Variants in RET observed in about 807,000 individuals in gnomAD.
RET encodes ret proto-oncogene, also known as proto-oncogene tyrosine-protein kinase receptor Ret.
Under a neutral mutation model 118.3 loss-of-function variants are expected in RET, and 19 were observed. That is an observed-to-expected ratio of 0.16 (90% confidence interval 0.11 to 0.24). The LOEUF is 0.24. Ranked by LOEUF, RET falls within the 10% of genes least tolerant of loss-of-function variation. RET has a pLI of 1.00. For synonymous variants in RET, 597 were observed against 644.1 expected (o/e 0.93, Z 1.11); for missense variants, 1,219 against 1,502.1 (o/e 0.81, Z 3.12).
chr10:43,085,412 G>A (rs1364572622), intron 1 of RET, among the ~76,000 whole-genome samples: 6 of 152,286 alleles, frequency 3.9e-5, no homozygotes, highest in African/African-American at 1.4e-4. Context: ...TTGCCTCATC[G>A]TCAGTGGCCT....
chr10:43,092,648 G>C (rs1837434853), intron 1 of RET, among the ~76,000 whole-genome samples: 1 of 152,252 alleles, frequency 6.6e-6, no homozygotes, highest in Non-Finnish European at 1.5e-5. Context: ...ACCCAGGTTT[G>C]TGCAGCATGC....
At position 43,126,659 on chromosome 10, in the gene RET, G is replaced by A. The variant is rs867206631; in HGVS notation, c.3124G>A (p.Asp1042Asn). The A allele has an allele frequency of 6.2e-7, 1 of 1,613,960 alleles. No homozygotes were observed. Among genetic ancestry groups the A allele is most frequent in the East Asian group, 2.2e-5 (1 of 44,888 alleles). The change falls in exon 19 of 20, where the codon GAC becomes AAC. Residue 1042 changes from aspartate to asparagine, a missense_variant. Around this residue, in one of 5 missense-constraint regions of RET, gnomAD observed 174 missense variants for 179.3 expected, o/e 0.97. Transcript: ENST00000355710. ...CTCAGAGGAGGAGACACCGCTGGTG[G>A]ACTGTAATAATGCCCCCCTCCCTCG... ...GLSEEETPLV[D>N]CNNAPLPRAL...
intron 1 of RET, among the ~76,000 whole-genome samples, chr10:43,098,145 G>A (rs968308121): frequency 6.6e-6 from 1 of 152,104 alleles, no homozygotes; most frequent in African/African-American, 2.4e-5. Flanking sequence ...GGGACATTAA[G>A]TACATTCACA....
Position 43,130,150 on chromosome 10 carries a change from T to C in RET, c.*1881T>C, listed in dbSNP as rs1838415789. On this transcript the variant is annotated 3_prime_UTR_variant, in exon 20 of 20. Transcript: ENST00000355710. ...TGAGTTATAAAAGTCCCCATCCTTATTAGCTCTACTGGAATTTTCATACAC... is the reference window on the plus strand; with the variant it reads ...TGAGTTATAAAAGTCCCCATCCTTACTAGCTCTACTGGAATTTTCATACAC... 2.5e-6 allele frequency: 1 copy of C among 397,350 alleles called. No individual in the cohort carries two copies. The highest frequency in any genetic ancestry group is 4.4e-5 in the Admixed American group (1 of 22,702). The allele number at this position is 397,350 out of a possible 1,614,324, so 24.6% of individuals were successfully genotyped here. A position where few individuals can be genotyped will look rare whatever the true frequency, so the allele number is the denominator to read the frequency against.
chr10:43,108,082 C>T (rs893079981), intron 5 of RET, among the ~76,000 whole-genome samples: 1 of 151,902 alleles, frequency 6.6e-6, no homozygotes, highest in South Asian at 2.1e-4. Flanking sequence ...TAGTGGCTCA[C>T]GCCTGTAATC....
rs773793231 is a variant in RET, at chr10:43,126,744, C to G, written c.3187+22C>G. The G allele has an allele frequency of 1.9e-6, 3 of 1,613,260 alleles. No individual in the cohort carries two copies. In the Admixed American group the frequency reaches 5.0e-5, roughly 27 times the overall value. On this transcript the variant is annotated intron_variant, in intron 19 of 19. Coordinates refer to ENST00000355710, the MANE Select transcript of RET (RefSeq NM_020975.6). ...TATGGTAGAATTTCCCATGCATTTA[C>G]TAGATTCTAGCACCGCTGTCCCCTT...
At chr10:43,121,265 A>G (rs1430750650) in intron 15 of RET, among the ~76,000 whole-genome samples, 2 of 152,230 alleles carry the variant, frequency 1.3e-5, no homozygotes, top group Non-Finnish European at 2.9e-5. Context: ...TAAATCCCTC[A>G]TGTGTTTAAG....
At chr10:43,109,440 CT>C in intron 6 of RET, among the ~76,000 whole-genome samples, 1 of 152,282 alleles carries the variant, frequency 6.6e-6, no homozygotes, top group South Asian at 2.1e-4. Context: ...TTGGGCCTCT[CT>C]TTTTTTCCCC....
rs1253227059 is a variant in RET at position 43,111,357 on chromosome 10, G to A, written c.1414G>A (p.Ala472Thr). The stretch of plus-strand genomic sequence containing the variant: ...GATCCTGTTTGTGAATGACACCAAG[G>A]CCCTGCGGCGGCCCAAGTGTGCCGA... ...SGILFVNDTK[A>T]LRRPKCAELH... Residue 472 changes from alanine (A) to threonine (T), a missense_variant, in exon 7 of 20, where the codon GCC (alanine) becomes ACC (threonine). Ala to Thr is a moderately conservative substitution (Grantham distance 58, BLOSUM62 0). This residue lies in a region of RET where 850 missense variants were observed against 969.6 expected (regional missense o/e 0.88). Transcript: ENST00000355710. 6.2e-7 allele frequency: 1 copy of A among 1,614,108 alleles called. No individual in the cohort carries two copies. Among genetic ancestry groups the A allele is most frequent in the South Asian group, 1.1e-5 (1 of 91,088 alleles).
At chr10:43,082,585 G>A (rs1203788407) in intron 1 of RET, among the ~76,000 whole-genome samples, 9 of 147,708 alleles carry the variant, frequency 6.1e-5, no homozygotes, top group African/African-American at 9.8e-5. Flanking sequence ...CTGCAGCTGC[G>A]CTTCCACTCC....
intron 13 of RET, among the ~76,000 whole-genome samples, chr10:43,118,769 C>T (rs894599760): frequency 1.3e-5 from 2 of 152,216 alleles, no homozygotes; most frequent in African/African-American, 4.8e-5. Flanking sequence ...TCACCCAGTT[C>T]GGGGCTGGGC....
intron 1 of RET, among the ~76,000 whole-genome samples, chr10:43,082,461 CT>C (rs1837205932): frequency 6.6e-6 from 1 of 152,242 alleles, no homozygotes; most frequent in Admixed American, 6.5e-5. Context: ...CGGGCATAGG[CT>C]TTCCTCCCTG....
chr10:43,093,531 G>T (rs531425451), intron 1 of RET, among the ~76,000 whole-genome samples: 167 of 152,346 alleles, frequency 1.1e-3, no homozygotes, highest in African/African-American at 3.9e-3. Flanking sequence ...CCAGCATAGA[G>T]ACAGGATTAA....
At chr10:43,124,499 T>G (rs1441817080) in intron 17 of RET, among the ~76,000 whole-genome samples, 2 of 152,224 alleles carry the variant, frequency 1.3e-5, no homozygotes, top group Non-Finnish European at 2.9e-5. Context: ...AAGCCCTCAA[T>G]CAATTCATTC....
chr10:43,083,127 C>G (rs938431904), intron 1 of RET, among the ~76,000 whole-genome samples: 1 of 152,218 alleles, frequency 6.6e-6, no homozygotes, highest in Non-Finnish European at 1.5e-5. Context: ...CTCATGGGCG[C>G]TTGGTGACAT....
chr10:43,108,608 C>T (rs988554097), intron 5 of RET, among the ~76,000 whole-genome samples: 1 of 152,058 alleles, frequency 6.6e-6, no homozygotes, highest in Non-Finnish European at 1.5e-5. Context: ...TCAGTTGGTC[C>T]GGGGACTCAA....
chr10:43,109,420 TG>T (rs904179990), intron 6 of RET, among the ~76,000 whole-genome samples, 190 bp downstream of exon 6: 11 of 152,186 alleles, frequency 7.2e-5, no homozygotes, highest in Non-Finnish European at 1.6e-4. Context: ...TGGGCAGGGC[TG>T]GGGGCTCCTT....
intron 3 of RET, among the ~76,000 whole-genome samples, chr10:43,104,135 T>A (rs1438913543): frequency 6.6e-6 from 1 of 151,994 alleles, no homozygotes; most frequent in Non-Finnish European, 1.5e-5. Flanking sequence ...GACAAGGAGG[T>A]GTAGAGTGGG....
rs1168926729 is a variant in RET, at chr10:43,100,664, C to A, written c.279C>A (p.Gly93=). ...GGATCTGCATCCAGGAGGACACCGG[C>A]CTCCTCTACCTTAACCGGAGCCTGG... ...NNWICIQEDT[G]LLYLNRSLDH... is the part of the protein sequence containing the mutation. The change falls in exon 2 of 20, where the codon GGC becomes GGA. Residue 93 remains glycine (G), a synonymous_variant. Coordinates refer to ENST00000355710, the MANE Select transcript of RET (RefSeq NM_020975.6). 1.2e-6 allele frequency: 2 copies of A among 1,611,624 alleles called. No individual in the cohort carries two copies. The highest frequency in any genetic ancestry group is 2.2e-5 in the East Asian group (1 of 44,800).
Sources: allele counts gnomAD v4.1 joint callset (sites outside exome capture counted in the v4.1 genomes callset), GRCh38; gene constraint gnomAD v4.1.1; regional missense constraint gnomAD v4.1.1; transcripts MANE v1.5; gene names NCBI Gene and HGNC (gene_info 2026-07-23, HGNC 2026-07-21).